Variants in TAF6L observed in about 807,000 individuals in gnomAD.
TAF6L encodes the protein TAF6-like RNA polymerase II p300/CBP-associated factor-associated factor 65 kDa subunit 6L.
In TAF6L, 34 loss-of-function variants were observed where a neutral mutation model predicts 57.3. The observed-to-expected ratio is 0.59, with a 90% CI of 0.45 to 0.79. The LOEUF (loss-of-function observed/expected upper bound fraction) is 0.79. Ranked by LOEUF, TAF6L falls within the 30% of genes least tolerant of loss-of-function variation. TAF6L has a pLI of 0.00. For missense variants in TAF6L, 782 were observed against 853.2 expected (o/e 0.92, Z 1.04); for synonymous variants, 417 against 376.3 (o/e 1.11, Z -1.25).
Position 62,787,268 on chromosome 11 carries a change from C to G in TAF6L, c.1841C>G (p.Ser614Trp), listed in dbSNP as rs1284914122. ...TSRPARRWAL[S>W]DYSLYLPL ...CGCCCCGCCCGCCGGTGGGCGCTCT[C>G]GGACTACTCGCTGTACTTGCCGCTC... is the stretch of plus-strand genomic sequence containing the variant. Residue 614 changes from serine (S) to tryptophan (W), a missense_variant, in exon 11 of 11, where the codon TCG (serine) becomes TGG (tryptophan). Ser to Trp is a radical substitution (Grantham distance 177). Transcript: ENST00000294168. 4.5e-6 allele frequency: 7 copies of G among 1,561,598 alleles called. No homozygotes were observed. Among genetic ancestry groups the G allele is most frequent in the East Asian group, 2.3e-5 (1 of 42,930 alleles).
At chr11:62,778,412 C>A in intron 5 of TAF6L, 77 bp downstream of exon 5, 2 of 1,544,512 alleles carry the variant, frequency 1.3e-6, no homozygotes, top group Non-Finnish European at 1.8e-6. Flanking sequence ...CTATGTGCCC[C>A]CGAGTCTGCG....
Position 62,776,371 on chromosome 11 carries a change from C to A in TAF6L, c.148-13C>A. ...ACATCCTTTGACTCTGGCTTTTGTT[C>A]CCTCCCTCCCAGAATAGCTCTCAGT... On this transcript the variant is annotated splice_polypyrimidine_tract_variant and intron_variant, in intron 2 of 10. Coordinates refer to ENST00000294168, the MANE Select transcript of TAF6L (RefSeq NM_006473.4). 2 of 1,612,818 alleles carry A rather than the reference C, an allele frequency of 1.2e-6. No homozygotes were observed. The highest frequency in any genetic ancestry group is 2.2e-5 in the South Asian group (2 of 91,032).
At chr11:62,786,232 C>G (rs747911838) in intron 9 of TAF6L, 28 bp from the exon 10 acceptor site, 11 of 1,597,804 alleles carry the variant, frequency 6.9e-6, no homozygotes, top group Non-Finnish European at 8.6e-6. Flanking sequence ...CAAAGACATG[C>G]TAACTGTATT....
Position 62,778,111 on chromosome 11 carries a change from C to T in TAF6L, c.368C>T (p.Ala123Val). The T allele has an allele frequency of 6.2e-7, 1 of 1,614,180 alleles. No homozygotes were observed. Among genetic ancestry groups the T allele is most frequent in the Non-Finnish European group, 8.5e-7 (1 of 1,180,020 alleles). The change falls in exon 4 of 11, where the codon GCT (alanine) becomes GTT (valine). Residue 123 changes from alanine to valine, a missense_variant. By Grantham distance (64) the Ala-to-Val change is moderately conservative. Coordinates refer to ENST00000294168, the MANE Select transcript of TAF6L (RefSeq NM_006473.4). ...GCTACCAACATCCCCAAAGGCTGTGCTGAGACAGCTGTCAGAGGTGGCTGC... is the reference window on the plus strand; with the variant it reads ...GCTACCAACATCCCCAAAGGCTGTGTTGAGACAGCTGTCAGAGGTGGCTGC... ...ALATNIPKGCAETAVRVHVSY... is the reference protein window; with the variant it reads ...ALATNIPKGCVETAVRVHVSY...
intron 10 of TAF6L, 24 bp downstream of exon 10, chr11:62,786,412 T>C (rs1211857189): frequency 1.9e-6 from 3 of 1,607,614 alleles, no homozygotes; most frequent in Non-Finnish European, 2.6e-6. Flanking sequence ...CCTTCCAGCC[T>C]CCCTTCCCTG....
intron 6 of TAF6L, among the ~76,000 whole-genome samples, chr11:62,779,311 T>C (rs924400385): frequency 4.6e-5 from 7 of 151,894 alleles, no homozygotes; most frequent in Non-Finnish European, 7.4e-5. Context: ...TCTCCTGCCT[T>C]AGCCTCCCGA....
At chr11:62,775,062 CAA>C (rs35218634) in intron 1 of TAF6L, among the ~76,000 whole-genome samples, 13 of 62,784 alleles carry the variant, frequency 2.1e-4, no homozygotes, top group Admixed American at 1.9e-4. Flanking sequence ...GACTCTGTCT[CAA>C]AAAAAAAAAA....
In TAF6L at chr11:62,775,832, G is replaced by C; in HGVS notation, c.49G>C (p.Val17Leu). The C allele has an allele frequency of 6.2e-7, 1 of 1,613,216 alleles. No individual in the cohort carries two copies. The highest frequency in any genetic ancestry group is 1.1e-5 in the South Asian group (1 of 91,068). ...GTTTGTGGAGATCCCTCGGGAGTCTGTCCGGCTCATGGCGGAGAGCACGGG... is the reference window on the plus strand; with the variant it reads ...GTTTGTGGAGATCCCTCGGGAGTCTCTCCGGCTCATGGCGGAGAGCACGGG... ...RRFVEIPRES[V>L]RLMAESTGLE... is the part of the protein sequence containing the mutation. The change falls in exon 2 of 11, where the codon GTC becomes CTC. Residue 17 changes from valine to leucine, a missense_variant. Around this residue, in one of 3 missense-constraint regions of TAF6L, gnomAD observed 220 missense variants for 252.1 expected, o/e 0.87. Coordinates refer to ENST00000294168, the MANE Select transcript of TAF6L (RefSeq NM_006473.4).
chr11:62,780,014 G>T (rs1391153964), intron 6 of TAF6L, among the ~76,000 whole-genome samples: 1 of 116,394 alleles, frequency 8.6e-6, no homozygotes, highest in Admixed American at 1.0e-4. Flanking sequence ...GGGTCTCACT[G>T]TATTGCCCAG....
At chr11:62,782,404 C>T (rs1365302564) in intron 8 of TAF6L, 71 bp downstream of exon 8, 30 of 1,504,372 alleles carry the variant, frequency 2.0e-5, no homozygotes, top group South Asian at 8.4e-5. Context: ...GGAAATGGGG[C>T]GAAGCCTCTG....
chr11:62,774,835 G>T (rs1048460744), intron 1 of TAF6L, among the ~76,000 whole-genome samples: 17 of 149,474 alleles, frequency 1.1e-4, no homozygotes, highest in Non-Finnish European at 1.5e-5. Context: ...TGTAATCCCA[G>T]CTACTTGGGA....
Position 62,782,750 on chromosome 11 carries a change from G to A in TAF6L, c.885G>A (p.Lys295=). Residue 295 remains lysine (K), a synonymous_variant, in exon 9 of 11, where the codon AAG becomes AAA. Transcript: ENST00000294168. ...AGCATATCCTGCTATCCCTGCAGAA[G>A]ATCCTGGCAGATCCTGTGCGGCCGC... is the stretch of plus-strand genomic sequence containing the variant. ...LYQHILLSLQ[K]ILADPVRPLC... 6.2e-7 allele frequency: 1 copy of A among 1,612,990 alleles called. No individual in the cohort carries two copies. The highest frequency in any genetic ancestry group is 8.5e-7 in the Non-Finnish European group (1 of 1,180,036).
In TAF6L at chr11:62,787,305, C is replaced by T. The variant is rs777829397; in HGVS notation, c.*9C>T. ...TGTACTTGCCGCTCTGAGTCAGTGG[C>T]CCCTTCGTTCCTTGTAAATAAATCC... On this transcript the variant is annotated 3_prime_UTR_variant, in exon 11 of 11. Coordinates refer to ENST00000294168, the MANE Select transcript of TAF6L (RefSeq NM_006473.4). 35 of 1,527,672 alleles carry T rather than the reference C, an allele frequency of 2.3e-5. No individual in the cohort carries two copies. The highest frequency in any genetic ancestry group is 3.5e-4 in the Middle Eastern group (2 of 5,764). 94.6% of individuals were successfully genotyped at this position (1,527,672 alleles called of 1,614,324 possible).
chr11:62,779,976 A>ATATATATATATTTTTTTTTTTT (rs1294367864), intron 6 of TAF6L, among the ~76,000 whole-genome samples: 15 of 52,622 alleles, frequency 2.9e-4, no homozygotes, highest in Non-Finnish European at 4.7e-4. Context: ...ATATATATAT[A>ATATATATATATTTTTTTTTTTT]TTTTTTTTTT....
chr11:62,771,945 A>G lies in TAF6L; in HGVS notation c.-14+455A>G, dbSNP rs2084151324. 1.7e-5 allele frequency: 6 copies of G among 360,354 alleles called. 1 individual carries two copies. The highest frequency in any genetic ancestry group is 3.3e-5 in the Non-Finnish European group (6 of 182,500). 22.3% of individuals were successfully genotyped at this position (360,354 alleles called of 1,614,324 possible). On this transcript the variant is annotated intron_variant, in intron 1 of 10. Transcript: ENST00000294168. ...TAGGGTCACCAAGGGGTGGGTCTCC[A>G]ATCCATGTCTTTGGGGTGGGATCCA...
chr11:62,772,048 C>T (rs1055508714), intron 1 of TAF6L: 1 of 455,220 alleles, frequency 2.2e-6, no homozygotes, highest in African/African-American at 2.0e-5. Context: ...TGAGTCCTTG[C>T]TCCCCCTCCC....
Position 62,786,352 on chromosome 11 carries a change from C to T in TAF6L, c.1053C>T (p.Val351=), listed in dbSNP as rs140375142. The change falls in exon 10 of 11, where the codon GTC becomes GTT. Residue 351 remains valine (V), a synonymous_variant. Transcript: ENST00000294168. Reference sequence around the variant, plus strand: ...ATTATTCAGTATCTAATGCCCAGGTCAAAGCAGATGGACACAAAGTCTATG... The same window carrying T: ...ATTATTCAGTATCTAATGCCCAGGTTAAAGCAGATGGACACAAAGTCTATG... ...LDDYSVSNAQ[V]KADGHKVYGA... 6.2e-7 allele frequency: 1 copy of T among 1,614,162 alleles called. No individual in the cohort carries two copies.
At position 62,776,871 on chromosome 11, in the gene TAF6L, G is replaced by A. The variant is rs909589729; in HGVS notation, c.234+401G>A. On this transcript the variant is annotated intron_variant, in intron 3 of 10. Coordinates refer to ENST00000294168, the MANE Select transcript of TAF6L (RefSeq NM_006473.4). The stretch of plus-strand genomic sequence containing the variant: ...AAAAGAAAAAAAAAAAAAAAAGGCC[G>A]GGCACAGGAGCTTACACCTAAAATC... Among the ~76,000 whole-genome samples, 26 of 149,174 alleles carry A rather than the reference G, an allele frequency of 1.7e-4. 5 individuals carry two copies. The highest frequency in any genetic ancestry group is 1.3e-3 in the Admixed American group (19 of 14,852).
At chr11:62,775,984 A>T in intron 2 of TAF6L, 54 bp downstream of exon 2, 1 of 1,554,918 alleles carries the variant, frequency 6.4e-7, no homozygotes, top group Non-Finnish European at 8.7e-7. Flanking sequence ...CTGCCTTTTT[A>T]CTAACCTCCA....
Sources: gnomAD v4.1 joint callset for allele counts (sites outside exome capture counted in the v4.1 genomes callset) on GRCh38, gnomAD v4.1.1 for gene constraint, gnomAD v4.1.1 regional missense constraint, MANE v1.5 for transcripts, NCBI Gene and HGNC (gene_info 2026-07-23, HGNC 2026-07-21) for gene names.